Variants in BCAS3 observed in about 807,000 individuals in gnomAD.
The protein encoded by BCAS3 is BCAS3 microtubule associated cell migration factor.
A neutral mutation model predicts 116.1 loss-of-function variants in BCAS3; 53 were observed. The observed-to-expected ratio is 0.46, with a 90% CI of 0.37 to 0.57. BCAS3 has a LOEUF of 0.57. Among genes scored for constraint, BCAS3 ranks in the 20% least tolerant of loss-of-function variants. BCAS3 has a pLI of 0.00. For missense variants in BCAS3, 917 were observed against 1,165.4 expected, an observed-to-expected ratio of 0.79 and a Z score of 3.10; for synonymous variants, 391 against 408.2, an observed-to-expected ratio of 0.96 and a Z score of 0.51.
chr17:60,724,916 A>C (rs1012300467), intron 5 of BCAS3, among the ~76,000 whole-genome samples: 17 of 151,964 alleles, frequency 1.1e-4, no homozygotes, highest in African/African-American at 3.9e-4. Context: ...CAGTGGTGCC[A>C]TTATAGCTCA....
intron 22 of BCAS3, among the ~76,000 whole-genome samples, chr17:61,148,752 G>C (rs920957669): frequency 6.6e-6 from 1 of 152,116 alleles, no homozygotes; most frequent in African/African-American, 2.4e-5. Context: ...TCTACTGCAG[G>C]TCTGTCTCCC....
At chr17:60,804,800 A>T (rs559696749) in intron 6 of BCAS3, among the ~76,000 whole-genome samples, 9 of 152,296 alleles carry the variant, frequency 5.9e-5, no homozygotes, top group African/African-American at 2.2e-4. Context: ...AAATTTAATC[A>T]AATTTTTGGA....
chr17:60,908,566 C>T (rs1270408505), intron 11 of BCAS3, among the ~76,000 whole-genome samples: 1 of 152,176 alleles, frequency 6.6e-6, no homozygotes, highest in Non-Finnish European at 1.5e-5. Flanking sequence ...ACTGTGGCGC[C>T]TGAATCTGTT....
rs2058642693 is a variant in BCAS3 at position 61,364,842 on chromosome 17, G to A, written c.2426-3485G>A. Among the ~76,000 whole-genome samples, 2 of 152,234 alleles carry A rather than the reference G, an allele frequency of 1.3e-5. No homozygotes were observed. The highest frequency in any genetic ancestry group is 2.9e-5 in the Non-Finnish European group (2 of 68,044). Reference sequence around the variant, plus strand: ...TCTGTTGCTCAGAGACTTTGAACATGTCACGTAACTTCTCAGAGCTTCCAG... The same window carrying A: ...TCTGTTGCTCAGAGACTTTGAACATATCACGTAACTTCTCAGAGCTTCCAG... On this transcript the variant is annotated intron_variant, in intron 22 of 23. Transcript: ENST00000407086. This position sits in a 1 kb window ranked among gnomAD's most constrained non-coding sequence, Gnocchi z 5.4.
chr17:61,099,108 A>G (rs1234943892), intron 22 of BCAS3, among the ~76,000 whole-genome samples: 8 of 152,102 alleles, frequency 5.3e-5, no homozygotes, highest in Non-Finnish European at 8.8e-5. Flanking sequence ...TGGGTGACAG[A>G]GTGAGACTCT....
chr17:61,290,860 G>A (rs926988757), intron 22 of BCAS3, among the ~76,000 whole-genome samples: 9 of 151,976 alleles, frequency 5.9e-5, no homozygotes, highest in Admixed American at 2.0e-4. Context: ...GGCTCACTGT[G>A]AGCTCCGCCT....
At chr17:61,127,052 GA>G (rs370862169) in intron 22 of BCAS3, among the ~76,000 whole-genome samples, 28 of 151,792 alleles carry the variant, frequency 1.8e-4, no homozygotes, top group East Asian at 5.8e-4. Context: ...AAAAAAGAGA[GA>G]AAAAAAAGGA....
At position 61,198,132 on chromosome 17, in the gene BCAS3, GT is replaced by G. The variant is rs11311858; in HGVS notation, c.2425+113580del. On this transcript the variant is annotated intron_variant, in intron 22 of 23. Transcript: ENST00000407086. This position sits in a 1 kb window ranked among gnomAD's most constrained non-coding sequence, Gnocchi z 5.0. ...GCGATTAAGATAAAGTGCAAGATATGTTTTTTTTTTTTCTTTTTTTTTTTTT... is the reference window on the plus strand; with the variant it reads ...GCGATTAAGATAAAGTGCAAGATATGTTTTTTTTTTTCTTTTTTTTTTTTT... Among the ~76,000 whole-genome samples the G allele has an allele frequency of 0.86, 123,625 of 143,550 alleles. 54,009 individuals are homozygous for G. The highest frequency in any genetic ancestry group is 0.95 in the Non-Finnish European group (62,173 of 65,452). 94.2% of individuals were successfully genotyped at this position (143,550 alleles called of 152,430 possible).
rs181554375 is a variant in BCAS3, at chr17:61,128,917, G to A, written c.2425+44353G>A. Among the ~76,000 whole-genome samples the A allele has an allele frequency of 3.3e-5, 5 of 152,286 alleles. No individual in the cohort carries two copies. Among genetic ancestry groups the A allele is most frequent in the African/African-American group, 9.6e-5 (4 of 41,564 alleles). ...TTAAATTACTTCCTAAGTCACTTCC[G>A]GATGTCAGGCCTAAGGTGGAGAGGG... On this transcript the variant is annotated intron_variant, in intron 22 of 23. Coordinates refer to ENST00000407086, the MANE Select transcript of BCAS3 (RefSeq NM_017679.5). The surrounding 1 kb of genome is among the most constrained non-coding windows in gnomAD (Gnocchi z 4.1).
At chr17:60,979,129 C>G (rs2062621303) in intron 14 of BCAS3, among the ~76,000 whole-genome samples, 1 of 150,092 alleles carries the variant, frequency 6.7e-6, no homozygotes, top group African/African-American at 2.4e-5. Context: ...TTCTTCCTAC[C>G]CATGAGCATG....
chr17:60,971,666 G>T (rs2061969710), intron 14 of BCAS3, among the ~76,000 whole-genome samples: 1 of 152,214 alleles, frequency 6.6e-6, no homozygotes, highest in Non-Finnish European at 1.5e-5. Flanking sequence ...TGCCTCTTGA[G>T]CCAGTGGCAT....
chr17:61,324,149 G>C lies in BCAS3; in HGVS notation c.2426-44178G>C, dbSNP rs557798483. On this transcript the variant is annotated intron_variant, in intron 22 of 23. Coordinates refer to ENST00000407086, the MANE Select transcript of BCAS3 (RefSeq NM_017679.5). The surrounding 1 kb of genome is among the most constrained non-coding windows in gnomAD (Gnocchi z 4.6). ...TCCCATCAGGCTGCAAACTCCTCCA[G>C]AGGCAGGGACCCCATCCTTCTGATT... 8.5e-5 allele frequency among the ~76,000 whole-genome samples: 13 copies of C among 152,322 alleles called. No homozygotes were observed. Among genetic ancestry groups the C allele is most frequent in the African/African-American group, 3.1e-4 (13 of 41,570 alleles).
rs747869143 is a variant in BCAS3, at chr17:61,313,864, C to T, written c.2426-54463C>T. ...TGTTTCAATGCCGCGGAGCCAGTGACCACACGTGGGCCTGCTGTCTCCTCC... is the reference window on the plus strand; with the variant it reads ...TGTTTCAATGCCGCGGAGCCAGTGATCACACGTGGGCCTGCTGTCTCCTCC... On this transcript the variant is annotated intron_variant, in intron 22 of 23. Coordinates refer to ENST00000407086, the MANE Select transcript of BCAS3 (RefSeq NM_017679.5). The surrounding 1 kb of genome is among the most constrained non-coding windows in gnomAD (Gnocchi z 4.3). Among the ~76,000 whole-genome samples, 2 of 152,200 alleles carry T rather than the reference C, an allele frequency of 1.3e-5. No individual in the cohort carries two copies. The highest frequency in any genetic ancestry group is 2.9e-5 in the Non-Finnish European group (2 of 68,044).
chr17:60,980,609 A>G (rs2062747122), intron 14 of BCAS3: 1 of 148,610 alleles, frequency 6.7e-6, no homozygotes, highest in Non-Finnish European at 1.5e-5. Flanking sequence ...CACAGCTCAC[A>G]CCAATCTTGA....
At chr17:61,178,515 A>G (rs2079279031) in intron 22 of BCAS3, among the ~76,000 whole-genome samples, 1 of 152,136 alleles carries the variant, frequency 6.6e-6, no homozygotes, top group Non-Finnish European at 1.5e-5. Context: ...TACAGAAACC[A>G]GATTGTGCTG....
chr17:60,862,926 G>A lies in BCAS3; in HGVS notation c.477-5650G>A, dbSNP rs115050798. ...AAAGTTTCACATTTTGATAAATTGT[G>A]TTTTGTCAGTTATATCTATTTTCAT... On this transcript the variant is annotated intron_variant, in intron 7 of 23. Coordinates refer to ENST00000407086, the MANE Select transcript of BCAS3 (RefSeq NM_017679.5). Among the ~76,000 whole-genome samples the A allele has an allele frequency of 2.0e-3, 302 of 152,066 alleles. 3 individuals are homozygous for A. Among genetic ancestry groups the A allele is most frequent in the African/African-American group, 6.8e-3 (284 of 41,460 alleles).
rs528840776 is a variant in BCAS3 at position 61,345,285 on chromosome 17, T to C, written c.2426-23042T>C. On this transcript the variant is annotated intron_variant, in intron 22 of 23. Coordinates refer to ENST00000407086, the MANE Select transcript of BCAS3 (RefSeq NM_017679.5). ...CCTGACTGGCTGGCTGGGCGATTCT[T>C]TGGGGGCTGTGTTTTGTGCTTGTCA... 3.9e-5 allele frequency among the ~76,000 whole-genome samples: 6 copies of C among 152,310 alleles called. No individual in the cohort carries two copies. In the South Asian group the frequency reaches 1.2e-3, roughly 32 times the overall value.
intron 7 of BCAS3, among the ~76,000 whole-genome samples, chr17:60,835,641 G>A (rs1231256429): frequency 6.6e-6 from 1 of 151,914 alleles, no homozygotes; most frequent in Non-Finnish European, 1.5e-5. Context: ...TTCTTATCAG[G>A]CCATGGTTGC....
intron 22 of BCAS3, among the ~76,000 whole-genome samples, chr17:61,089,670 A>T (rs1473843462): frequency 6.6e-6 from 1 of 150,904 alleles, no homozygotes; most frequent in Non-Finnish European, 1.5e-5. Flanking sequence ...GCTGGAATTA[A>T]CAGGCACGCG....
Sources: allele counts gnomAD v4.1 joint callset (sites outside exome capture counted in the v4.1 genomes callset), GRCh38; gene constraint gnomAD v4.1.1; non-coding constraint Gnocchi (gnomAD v3.1); transcripts MANE v1.5; gene names NCBI Gene and HGNC (gene_info 2026-07-23, HGNC 2026-07-21).